The following PTPRO variants were observed in gnomAD, a reference collection of about 807,000 sequenced individuals.
The protein encoded by PTPRO is protein tyrosine phosphatase receptor type O.
PTPRO carries 62 observed loss-of-function variants against 145.2 expected under a neutral mutation model. The observed-to-expected ratio is 0.43, with a 90% CI of 0.35 to 0.53. The LOEUF is 0.53. Ranked by LOEUF, PTPRO falls within the 20% of genes least tolerant of loss-of-function variation. The probability of loss-of-function intolerance (pLI) is 0.01; values close to 1 mark genes in which losing one functional copy is unlikely to be tolerated. For missense variants in PTPRO, 1,345 were observed against 1,482.7 expected (o/e 0.91, Z 1.53); for synonymous variants, 565 against 514.7 (o/e 1.10, Z -1.32).
intron 1 of PTPRO, among the ~76,000 whole-genome samples, chr12:15,323,219 A>G (rs1023370257): frequency 5.3e-5 from 8 of 152,146 alleles, no homozygotes; most frequent in Admixed American, 3.3e-4. Flanking sequence ...TGCTGGAATT[A>G]TACACTGGAG....
chr12:15,462,751 A>T (rs1591833393), intron 1 of PTPRO, among the ~76,000 whole-genome samples: 1 of 152,316 alleles, frequency 6.6e-6, no homozygotes, highest in Middle Eastern at 3.4e-3. Context: ...AATTCCTGGC[A>T]TATATTATTC....
intron 1 of PTPRO, among the ~76,000 whole-genome samples, chr12:15,383,443 G>A (rs141303792): frequency 9.3e-4 from 142 of 152,184 alleles, no homozygotes; most frequent in Non-Finnish European, 1.6e-3. Flanking sequence ...ATTTTACAGC[G>A]TTGGCTTTTT....
intron 1 of PTPRO, among the ~76,000 whole-genome samples, chr12:15,399,456 G>A (rs960944410): frequency 5.9e-5 from 9 of 152,168 alleles, no homozygotes; most frequent in Non-Finnish European, 8.8e-5. Flanking sequence ...AAGCCCACTA[G>A]CATGCAGTAC....
intron 12 of PTPRO, among the ~76,000 whole-genome samples, chr12:15,532,819 T>C (rs558620266): frequency 2.8e-4 from 42 of 152,196 alleles, no homozygotes; most frequent in Non-Finnish European, 4.6e-4. Flanking sequence ...TCCAGGTAAC[T>C]GTAATTACTT....
At chr12:15,517,371 A>G (rs1942622096) in intron 9 of PTPRO, among the ~76,000 whole-genome samples, 1 of 152,206 alleles carries the variant, frequency 6.6e-6, no homozygotes, top group Non-Finnish European at 1.5e-5. Flanking sequence ...GGTCCCTCGC[A>G]CAACACTTGG....
intron 1 of PTPRO, among the ~76,000 whole-genome samples, chr12:15,385,743 T>A (rs1301975110): frequency 7.6e-6 from 1 of 131,212 alleles, no homozygotes; most frequent in African/African-American, 3.0e-5. Context: ...ACCTGGGAGG[T>A]GGAGGTTGCA....
At chr12:15,545,810 G>A (rs1943273322) in intron 12 of PTPRO, among the ~76,000 whole-genome samples, 1 of 152,070 alleles carries the variant, frequency 6.6e-6, no homozygotes, top group Admixed American at 6.5e-5. Flanking sequence ...AAAGTGGGTG[G>A]ATTGCTGGAG....
chr12:15,585,634 C>G (rs1001848438), intron 23 of PTPRO, among the ~76,000 whole-genome samples: 7 of 152,170 alleles, frequency 4.6e-5, no homozygotes, highest in African/African-American at 1.7e-4. Flanking sequence ...TCTTTCAATA[C>G]CTGAACTTAA....
At chr12:15,397,870 A>AAGGTAGGC (rs137970150) in intron 1 of PTPRO, among the ~76,000 whole-genome samples, 3,247 of 152,316 alleles carry the variant, frequency 0.021, 124 homozygotes, top group African/African-American at 0.074. Context: ...AAATCTTTTT[A>AAGGTAGGC]AGGTAGGCCT....
chr12:15,587,891 G>C (rs143718177), intron 24 of PTPRO, among the ~76,000 whole-genome samples: 125 of 152,324 alleles, frequency 8.2e-4, no homozygotes, highest in Non-Finnish European at 1.7e-3. Context: ...CAGACCTACT[G>C]CCTTGGCCCT....
chr12:15,484,261 G>A lies in PTPRO; in HGVS notation c.349+14G>A. The A allele has an allele frequency of 1.2e-6, 2 of 1,612,802 alleles. No individual in the cohort carries two copies. Among genetic ancestry groups the A allele is most frequent in the Non-Finnish European group, 1.7e-6 (2 of 1,179,272 alleles). ...CTGTGTTAACAAGTAAGCATCATGT[G>A]TAATATTGTCCCGTTTCTTCTTATT... On this transcript the variant is annotated intron_variant, in intron 2 of 26. Coordinates refer to ENST00000281171, the MANE Select transcript of PTPRO (RefSeq NM_030667.3).
chr12:15,560,169 T>C, intron 16 of PTPRO, 24 bp from the exon 17 acceptor site: 2 of 1,519,948 alleles, frequency 1.3e-6, no homozygotes, highest in Middle Eastern at 3.4e-4. Context: ...CATCTTTCCA[T>C]CTGTTGTCTA....
At chr12:15,390,503 G>A (rs1479856534) in intron 1 of PTPRO, among the ~76,000 whole-genome samples, 1 of 152,004 alleles carries the variant, frequency 6.6e-6, no homozygotes, top group African/African-American at 2.4e-5. Flanking sequence ...GAATAGCATG[G>A]GAAAGACCTG....
At chr12:15,566,816 C>T (rs1351473534) in intron 18 of PTPRO, among the ~76,000 whole-genome samples, 1 of 152,120 alleles carries the variant, frequency 6.6e-6, no homozygotes, top group African/African-American at 2.4e-5. Flanking sequence ...GCACCGTGTC[C>T]AGCCTCTAAG....
At chr12:15,463,487 T>C (rs1565644625) in intron 1 of PTPRO, among the ~76,000 whole-genome samples, 1 of 152,156 alleles carries the variant, frequency 6.6e-6, no homozygotes, top group East Asian at 1.9e-4. Flanking sequence ...AAAATGAAGA[T>C]GGATGGTGGA....
intron 1 of PTPRO, among the ~76,000 whole-genome samples, chr12:15,392,001 G>A (rs2136287715): frequency 6.6e-6 from 1 of 152,224 alleles, no homozygotes; most frequent in South Asian, 2.1e-4. Flanking sequence ...TTATACCCAA[G>A]TTTTTGTCTT....
intron 1 of PTPRO, among the ~76,000 whole-genome samples, chr12:15,435,578 C>A (rs180760783): frequency 6.7e-6 from 1 of 150,066 alleles, no homozygotes; most frequent in African/African-American, 2.5e-5. Flanking sequence ...TTCTTTTTGG[C>A]AATCTCTCTC....
chr12:15,373,259 G>C (rs1304357641), intron 1 of PTPRO, among the ~76,000 whole-genome samples: 5 of 152,260 alleles, frequency 3.3e-5, no homozygotes, highest in Admixed American at 3.3e-4. Flanking sequence ...ATGCTAGCAT[G>C]ATGGTGACAG....
intron 14 of PTPRO, among the ~76,000 whole-genome samples, chr12:15,551,004 C>T (rs10846204): frequency 0.31 from 47,016 of 151,922 alleles, 7,330 homozygotes; most frequent in Middle Eastern, 0.43. Context: ...ATGGAAAACC[C>T]CTAAACATAT....
Sources: allele counts gnomAD v4.1 joint callset (sites outside exome capture counted in the v4.1 genomes callset), GRCh38; gene constraint gnomAD v4.1.1; transcripts MANE v1.5; gene names NCBI Gene and HGNC (gene_info 2026-07-23, HGNC 2026-07-21).